The following ODAM variants were observed in gnomAD, a reference collection of about 807,000 sequenced individuals.
ODAM encodes the protein odontogenic, ameloblast associated, also known as odontogenic ameloblast-associated protein.
ODAM carries 55 observed loss-of-function variants against 48.5 expected under a neutral mutation model. The ratio of observed to expected loss-of-function variants is 1.13; its 90% confidence interval spans 0.91 to 1.42. The LOEUF is 1.42. ODAM is among the 40% of genes most tolerant of loss of function. The probability of loss-of-function intolerance (pLI) is 0.00; values close to 1 mark genes in which losing one functional copy is unlikely to be tolerated. For synonymous variants in ODAM, 127 were observed against 107.8 expected (o/e 1.18, Z -1.10); for missense variants, 353 against 323.6 (o/e 1.09, Z -0.70).
intron 4 of ODAM, 179 bp from the exon 5 acceptor site, chr4:70,197,745 T>A (rs1336968872): frequency 3.3e-6 from 2 of 612,434 alleles, no homozygotes; most frequent in South Asian, 4.1e-5. Flanking sequence ...ATCGGGAATT[T>A]AGCATTTGCT....
At chr4:70,201,213 T>A (rs1011639240) in intron 7 of ODAM, among the ~76,000 whole-genome samples, 1 of 151,860 alleles carries the variant, frequency 6.6e-6, no homozygotes, top group Admixed American at 6.6e-5. Flanking sequence ...ACTGGTAGTA[T>A]TAATTCTAAT....
intron 1 of ODAM, 103 bp from the exon 2 acceptor site, chr4:70,196,426 T>C (rs1301808198): frequency 1.7e-6 from 1 of 605,784 alleles, no homozygotes; most frequent in African/African-American, 1.9e-5. Context: ...GTAAATACTA[T>C]AGAATTCACC....
intron 3 of ODAM, 24 bp downstream of exon 3, chr4:70,196,757 T>A: frequency 6.4e-7 from 1 of 1,571,136 alleles, no homozygotes; most frequent in East Asian, 2.3e-5. Context: ...ATTAAAACAA[T>A]CTCCTCCTTT....
intron 4 of ODAM, 25 bp from the exon 5 acceptor site, chr4:70,197,899 C>G (rs780619310): frequency 1.9e-6 from 3 of 1,581,322 alleles, no homozygotes; most frequent in Non-Finnish European, 2.6e-6. Context: ...AGGGAACATG[C>G]TTTCTTTCCT....
chr4:70,202,443 T>G, intron 9 of ODAM, 114 bp downstream of exon 9: 4 of 858,226 alleles, frequency 4.7e-6, no homozygotes, highest in South Asian at 3.0e-5. Flanking sequence ...AATTTTTGCT[T>G]CTTCTTCTTC....
At chr4:70,202,088 G>A (rs1423115981) in intron 8 of ODAM, among the ~76,000 whole-genome samples, 170 bp from the exon 9 acceptor site, 1 of 151,904 alleles carries the variant, frequency 6.6e-6, no homozygotes, top group East Asian at 1.9e-4. Context: ...AAGCAGAGGC[G>A]AGATGTCAAG....
intron 8 of ODAM, 26 bp from the exon 9 acceptor site, chr4:70,202,232 C>A (rs546330205): frequency 6.3e-7 from 1 of 1,592,794 alleles, no homozygotes; most frequent in South Asian, 1.1e-5. Flanking sequence ...CTGATTTAGA[C>A]TTTTTAAAAC....
At chr4:70,198,217 A>G (rs1379904191) in intron 5 of ODAM, 60 bp downstream of exon 5, 2 of 1,363,424 alleles carry the variant, frequency 1.5e-6, no homozygotes, top group Non-Finnish European at 2.0e-6. Flanking sequence ...TAATCTGACA[A>G]TGAATATGAA....
At chr4:70,197,780 T>A in intron 4 of ODAM, 144 bp from the exon 5 acceptor site, 1 of 658,238 alleles carries the variant, frequency 1.5e-6, no homozygotes, top group East Asian at 2.7e-5. Flanking sequence ...TGGTTCAAAA[T>A]GAATCAAGAT....
intron 10 of ODAM, 30 bp from the exon 11 acceptor site, chr4:70,203,126 A>C (rs1181499404): frequency 6.5e-7 from 1 of 1,549,500 alleles, no homozygotes; most frequent in Non-Finnish European, 8.9e-7. Flanking sequence ...ATTTAATAAC[A>C]GTTTCTTATG....
At chr4:70,203,023 G>C (rs1326544778) in intron 10 of ODAM, 106 bp downstream of exon 10, 2 of 1,335,538 alleles carry the variant, frequency 1.5e-6, no homozygotes, top group African/African-American at 3.0e-5. Flanking sequence ...AAATTAAGAA[G>C]ATAACTAATG....
intron 9 of ODAM, 100 bp from the exon 10 acceptor site, chr4:70,202,656 T>A (rs891985968): frequency 2.4e-6 from 2 of 829,336 alleles, no homozygotes; most frequent in Non-Finnish European, 3.7e-6. Flanking sequence ...TTTAATATAA[T>A]GCTTTTGTTA....
At chr4:70,198,662 CTACA>C in intron 6 of ODAM, 36 bp downstream of exon 6, 1 of 1,505,968 alleles carries the variant, frequency 6.6e-7, no homozygotes, top group Non-Finnish European at 9.2e-7. Context: ...ATAGAGATGG[CTACA>C]TACACTCTCC....
At chr4:70,203,457 A>C (rs1460273363) in intron 11 of ODAM, among the ~76,000 whole-genome samples, 2 of 151,914 alleles carry the variant, frequency 1.3e-5, no homozygotes, top group African/African-American at 2.4e-5. Flanking sequence ...CACAAATACT[A>C]GATATTCTAG....
chr4:70,197,980 G>A lies in ODAM; in HGVS notation c.198G>A (p.Gln66=), dbSNP rs201051562. Residue 66 remains glutamine (Q), a synonymous_variant, in exon 5 of 12, where the codon CAG becomes CAA. Transcript: ENST00000683306. ...PFSGILQQQQ[Q]AQIPGLSQFS... ...CTGGAATTTTACAACAGCAGCAGCA[G>A]GCTCAAATTCCAGGACTCTCCCAGT... The A allele has an allele frequency of 3.2e-4, 521 of 1,613,212 alleles. No homozygotes were observed. The highest frequency in any genetic ancestry group is 4.2e-4 in the Non-Finnish European group (497 of 1,179,550).
chr4:70,201,676 G>A lies in ODAM; in HGVS notation c.576+175G>A, dbSNP rs563222516. On this transcript the variant is annotated intron_variant, in intron 8 of 11. Transcript: ENST00000683306. ...AACACACACGTGGGGATTCTTGGGT[G>A]TCTTAATAGGAAAGTATTAGAATGA... Among the ~76,000 whole-genome samples, 21 of 152,030 alleles carry A rather than the reference G, an allele frequency of 1.4e-4. No homozygotes were observed. The South Asian group carries it at 1.9e-3, about 13-fold the overall frequency.
chr4:70,197,890 G>A (rs558310870), intron 4 of ODAM, 34 bp from the exon 5 acceptor site: 22 of 1,558,036 alleles, frequency 1.4e-5, no homozygotes, highest in Non-Finnish European at 1.8e-5. Flanking sequence ...TTGGCATGAA[G>A]GGAACATGCT....
intron 8 of ODAM, 152 bp downstream of exon 8, chr4:70,201,653 C>T: frequency 3.3e-6 from 2 of 606,760 alleles, no homozygotes; most frequent in East Asian, 3.1e-5. Context: ...AGGAGGAGAA[C>T]ACACACGTGG....
At chr4:70,197,462 A>C (rs926272696) in intron 4 of ODAM, 141 bp downstream of exon 4, 1 of 675,312 alleles carries the variant, frequency 1.5e-6, no homozygotes, top group African/African-American at 1.8e-5. Context: ...CATATGTTCT[A>C]GTGGCCATTT....
Sources: gnomAD v4.1 joint callset for allele counts (sites outside exome capture counted in the v4.1 genomes callset) on GRCh38, gnomAD v4.1.1 for gene constraint, MANE v1.5 for transcripts, NCBI Gene and HGNC (gene_info 2026-07-23, HGNC 2026-07-21) for gene names.